Variants in MGRN1 observed in about 807,000 individuals in gnomAD.
MGRN1 encodes the protein mahogunin ring finger 1, also known as E3 ubiquitin-protein ligase MGRN1.
A neutral mutation model predicts 69.2 loss-of-function variants in MGRN1; 29 were observed. The observed-to-expected ratio is 0.42, with a 90% CI of 0.31 to 0.57. The LOEUF is 0.57. Among genes scored for constraint, MGRN1 ranks in the 20% least tolerant of loss-of-function variants. The pLI, the probability that MGRN1 is intolerant of heterozygous loss-of-function variation, is 0.15. For synonymous variants in MGRN1, 470 were observed against 344.2 expected, an observed-to-expected ratio of 1.37 and a Z score of -4.04; for missense variants, 998 against 796.2, an observed-to-expected ratio of 1.25 and a Z score of -3.05.
intron 15 of MGRN1, 37 bp from the exon 16 acceptor site, chr16:4,683,806 C>T (rs534373208): frequency 6.3e-7 from 1 of 1,596,886 alleles, no homozygotes; most frequent in African/African-American, 1.3e-5. Flanking sequence ...GACCTGGCCC[C>T]TGCCTGTAGG....
At chr16:4,665,811 G>A (rs1287335251) in intron 7 of MGRN1, among the ~76,000 whole-genome samples, 1 of 151,538 alleles carries the variant, frequency 6.6e-6, no homozygotes, top group African/African-American at 2.4e-5. Context: ...TGGGATTACA[G>A]GCCCATGCCA....
Position 4,689,625 on chromosome 16 carries a change from C to T in MGRN1, c.*717C>T, listed in dbSNP as rs567831104. The T allele has an allele frequency of 2.0e-5, 3 of 152,282 alleles. No homozygotes were observed. The highest frequency in any genetic ancestry group is 4.4e-5 in the Non-Finnish European group (3 of 68,070). 9.4% of individuals were successfully genotyped at this position (152,282 alleles called of 1,614,324 possible). A position where few individuals can be genotyped will look rare whatever the true frequency, so the allele number is the denominator to read the frequency against. On this transcript the variant is annotated 3_prime_UTR_variant, in exon 17 of 17. Coordinates refer to ENST00000262370, the MANE Select transcript of MGRN1 (RefSeq NM_015246.4). ...AGTGGCCTTGTCACCAAGCTCCACACCTCCTCCTGGTGCTGGCTTTGGTGA... is the reference window on the plus strand; with the variant it reads ...AGTGGCCTTGTCACCAAGCTCCACATCTCCTCCTGGTGCTGGCTTTGGTGA...
chr16:4,684,661 T>C (rs950848762), intron 16 of MGRN1, among the ~76,000 whole-genome samples: 1 of 152,248 alleles, frequency 6.6e-6, no homozygotes, highest in African/African-American at 2.4e-5. Flanking sequence ...AGCACCTTCG[T>C]GCTCTGCTCT....
At chr16:4,679,792 T>C (rs895652992) in intron 11 of MGRN1, among the ~76,000 whole-genome samples, 2 of 152,078 alleles carry the variant, frequency 1.3e-5, no homozygotes, top group Non-Finnish European at 2.9e-5. Flanking sequence ...GGGATGAGAT[T>C]GGGCTCCACA....
At chr16:4,661,950 G>T (rs1380093891) in intron 5 of MGRN1, among the ~76,000 whole-genome samples, 1 of 152,230 alleles carries the variant, frequency 6.6e-6, no homozygotes, top group Non-Finnish European at 1.5e-5. Context: ...GTAGCCGTGT[G>T]CCAGGTGCCT....
At chr16:4,650,507 A>C in intron 2 of MGRN1, 24 bp downstream of exon 2, 756 of 1,565,456 alleles carry the variant, frequency 4.8e-4, no homozygotes, top group Non-Finnish European at 6.1e-4. Context: ...GGGCTGTCTC[A>C]TGGGGCTGTG....
intron 8 of MGRN1, among the ~76,000 whole-genome samples, chr16:4,669,431 C>CAAA (rs58001283): frequency 1.4e-4 from 13 of 92,996 alleles, no homozygotes; most frequent in Admixed American, 3.6e-4. Context: ...AAGACTGTGT[C>CAAA]AAAAAAAAAA....
At chr16:4,685,602 G>A (rs562793383) in intron 16 of MGRN1, among the ~76,000 whole-genome samples, 38 of 152,390 alleles carry the variant, frequency 2.5e-4, no homozygotes, top group African/African-American at 8.4e-4. Flanking sequence ...TCTGAGCCAC[G>A]GAGAGCACAT....
At chr16:4,661,325 G>A (rs1684622) in intron 5 of MGRN1, among the ~76,000 whole-genome samples, 1 of 151,984 alleles carries the variant, frequency 6.6e-6, no homozygotes, top group African/African-American at 2.4e-5. Flanking sequence ...TCACAAAGCC[G>A]TGGCCCAGGA....
At position 4,656,947 on chromosome 16, in the gene MGRN1, G is replaced by A. The variant is rs191961496; in HGVS notation, c.444-299G>A. On this transcript the variant is annotated intron_variant, in intron 4 of 16. Coordinates refer to ENST00000262370, the MANE Select transcript of MGRN1 (RefSeq NM_015246.4). ...TAAATAAACAAACCAACTTAGCACC[G>A]ATGGAAAGGAAAAGCACAGCTACAC... 1.9e-3 allele frequency among the ~76,000 whole-genome samples: 283 copies of A among 152,122 alleles called. 2 individuals carry two copies. Among genetic ancestry groups the A allele is most frequent in the African/African-American group, 6.5e-3 (271 of 41,496 alleles).
intron 1 of MGRN1, among the ~76,000 whole-genome samples, chr16:4,630,874 C>G (rs905161218): frequency 4.1e-5 from 6 of 146,824 alleles, no homozygotes; most frequent in Admixed American, 2.1e-4. Flanking sequence ...TAGAGTATAG[C>G]GGCATGATGT....
chr16:4,625,923 C>T (rs1897656737), intron 1 of MGRN1, among the ~76,000 whole-genome samples: 1 of 152,212 alleles, frequency 6.6e-6, no homozygotes, highest in Non-Finnish European at 1.5e-5. Flanking sequence ...CCTGGCGTCT[C>T]ATCTGATCTG....
chr16:4,658,351 C>A (rs904156283), intron 5 of MGRN1, among the ~76,000 whole-genome samples: 1 of 150,536 alleles, frequency 6.6e-6, no homozygotes, highest in South Asian at 2.1e-4. Flanking sequence ...CTGGCTAACA[C>A]GGTGAAACCC....
rs1348382932 is a variant in MGRN1, at chr16:4,683,211, CTT to C, written c.1483-11_1483-10del. On this transcript the variant is annotated splice_polypyrimidine_tract_variant and intron_variant, in intron 14 of 16. Coordinates refer to ENST00000262370, the MANE Select transcript of MGRN1 (RefSeq NM_015246.4). ...TCTCTGAGCTCTAGGCTACTTTCCC[CTT>C]TGTTTCCTAGAGTTTCATAACAGAA... 1 of 1,613,514 alleles carries C rather than the reference CTT, an allele frequency of 6.2e-7. No homozygotes were observed. The highest frequency in any genetic ancestry group is 8.5e-7 in the Non-Finnish European group (1 of 1,179,920).
intron 8 of MGRN1, chr16:4,668,984 A>G (rs184447183): frequency 3.5e-4 from 53 of 151,272 alleles, no homozygotes; most frequent in African/African-American, 1.3e-3. Flanking sequence ...TCACGCACAT[A>G]TACAAAGACG....
At chr16:4,636,070 G>A (rs1204266527) in intron 1 of MGRN1, among the ~76,000 whole-genome samples, 1 of 151,984 alleles carries the variant, frequency 6.6e-6, no homozygotes, top group African/African-American at 2.4e-5. Flanking sequence ...TGCAAGTGCT[G>A]GGATTACAGG....
At chr16:4,657,398 C>T (rs1478808305) in intron 5 of MGRN1, 35 bp downstream of exon 5, 6 of 1,583,512 alleles carry the variant, frequency 3.8e-6, no homozygotes, top group South Asian at 2.2e-5. Context: ...GCCCTTCGCT[C>T]CTCCTGAATT....
intron 2 of MGRN1, chr16:4,650,712 C>CA: frequency 2.4e-6 from 1 of 416,718 alleles, no homozygotes. Context: ...CACTGAGAAA[C>CA]AGAGCAGCCA....
At position 4,688,938 on chromosome 16, in the gene MGRN1, C is replaced by T. The variant is rs1383854676; in HGVS notation, c.*30C>T. ...CTGGCCGAGCTGGCAGCATGGAGCCCTCGGCTCCCCAGACTTTGCCGAGGG... is the reference window on the plus strand; with the variant it reads ...CTGGCCGAGCTGGCAGCATGGAGCCTTCGGCTCCCCAGACTTTGCCGAGGG... On this transcript the variant is annotated 3_prime_UTR_variant, in exon 17 of 17. Coordinates refer to ENST00000262370, the MANE Select transcript of MGRN1 (RefSeq NM_015246.4). The T allele has an allele frequency of 2.0e-6, 3 of 1,522,066 alleles. No individual in the cohort carries two copies. Among genetic ancestry groups the T allele is most frequent in the Admixed American group, 2.0e-5 (1 of 49,678 alleles). The allele number at this position is 1,522,066 out of a possible 1,614,324, so 94.3% of individuals were successfully genotyped here. A position where few individuals can be genotyped will look rare whatever the true frequency, so the allele number is the denominator to read the frequency against.
Sources: allele counts gnomAD v4.1 joint callset (sites outside exome capture counted in the v4.1 genomes callset), GRCh38; gene constraint gnomAD v4.1.1; transcripts MANE v1.5; gene names NCBI Gene and HGNC (gene_info 2026-07-23, HGNC 2026-07-21).